Variants in PPP1R17 observed in about 807,000 individuals in gnomAD.
PPP1R17 encodes the protein G-substrate.
PPP1R17 carries 12 observed loss-of-function variants against 15.9 expected under a neutral mutation model. That is an observed-to-expected ratio of 0.75 (90% CI 0.48 to 1.22). The LOEUF is 1.22. Among genes scored for constraint, PPP1R17 ranks in the 50% most tolerant of loss-of-function variants. The probability of loss-of-function intolerance (pLI) is 0.00; values close to 1 mark genes in which losing one functional copy is unlikely to be tolerated. For synonymous variants in PPP1R17, 63 were observed against 64.5 expected (o/e 0.98, Z 0.11); for missense variants, 211 against 187.3 (o/e 1.13, Z -0.74).
chr7:31,704,413 G>A (rs1792982504), intron 4 of PPP1R17, among the ~76,000 whole-genome samples: 1 of 152,124 alleles, frequency 6.6e-6, no homozygotes, highest in African/African-American at 2.4e-5. Context: ...GGCAGTCTTG[G>A]TCTTAAAACC....
At chr7:31,692,896 CAATAA>C (rs1792417678) in intron 2 of PPP1R17, among the ~76,000 whole-genome samples, 1 of 152,154 alleles carries the variant, frequency 6.6e-6, no homozygotes, top group Non-Finnish European at 1.5e-5. Flanking sequence ...TGTGCAGTGC[CAATAA>C]AATATTTCAA....
chr7:31,699,311 A>T (rs1392919786), intron 4 of PPP1R17, among the ~76,000 whole-genome samples: 1 of 152,166 alleles, frequency 6.6e-6, no homozygotes, highest in Non-Finnish European at 1.5e-5. Flanking sequence ...TCACTGGGAC[A>T]TGAAGGGTAA....
chr7:31,692,755 A>G (rs1562695231), intron 2 of PPP1R17, among the ~76,000 whole-genome samples: 1 of 152,058 alleles, frequency 6.6e-6, no homozygotes, highest in Non-Finnish European at 1.5e-5. Context: ...GAGAGAGAGA[A>G]AGAGAGAGAG....
At chr7:31,692,343 CAAA>C in intron 1 of PPP1R17, 60 bp from the exon 2 acceptor site, 1 of 974,178 alleles carries the variant, frequency 1.0e-6, no homozygotes, top group Non-Finnish European at 1.6e-6. Context: ...ATTTACTTAG[CAAA>C]TGATTGAATG....
chr7:31,694,803 T>C (rs944318175), intron 2 of PPP1R17, among the ~76,000 whole-genome samples: 1 of 152,084 alleles, frequency 6.6e-6, no homozygotes, highest in Admixed American at 6.5e-5. Flanking sequence ...CGACTTCTGA[T>C]AGACTCGATG....
intron 1 of PPP1R17, 67 bp from the exon 2 acceptor site, chr7:31,692,339 T>G: frequency 1.1e-6 from 1 of 945,480 alleles, no homozygotes; most frequent in Non-Finnish European, 1.6e-6. Context: ...ATATATTTAC[T>G]TAGCAAATGA....
At position 31,695,590 on chromosome 7, in the gene PPP1R17, A is replaced by G. The variant is rs535825950; in HGVS notation, c.204A>G (p.Thr68=). The stretch of plus-strand genomic sequence containing the variant: ...AAAAAAAACCAAGGAGGAAAGATAC[A>G]CCGGCGCTGCACATCCCACCTTTCA... ...SDQKKPRRKD[T]PALHIPPFIP... Residue 68 remains threonine, a synonymous_variant, in exon 3 of 5, where the codon ACA becomes ACG. Transcript: ENST00000342032. The G allele has an allele frequency of 4.3e-6, 7 of 1,613,872 alleles. No individual in the cohort carries two copies. The highest frequency in any genetic ancestry group is 2.2e-5 in the South Asian group (2 of 91,028).
intron 4 of PPP1R17, among the ~76,000 whole-genome samples, chr7:31,697,879 CAG>C (rs1468646877): frequency 6.6e-5 from 10 of 152,178 alleles, no homozygotes; most frequent in East Asian, 3.9e-4. Context: ...GACTAAGAAA[CAG>C]AGAATTTAAT....
intron 4 of PPP1R17, among the ~76,000 whole-genome samples, chr7:31,698,212 A>C: frequency 6.6e-6 from 1 of 152,180 alleles, no homozygotes; most frequent in East Asian, 1.9e-4. Context: ...ATAAAGAAAA[A>C]AATTGAAAAA....
intron 1 of PPP1R17, among the ~76,000 whole-genome samples, chr7:31,690,602 G>C (rs1289128464): frequency 6.6e-6 from 1 of 152,174 alleles, no homozygotes; most frequent in Non-Finnish European, 1.5e-5. Flanking sequence ...TTTAAGAGCT[G>C]AGATTTAAAC....
intron 1 of PPP1R17, among the ~76,000 whole-genome samples, chr7:31,687,618 A>C (rs953351758): frequency 6.6e-6 from 1 of 152,258 alleles, no homozygotes; most frequent in African/African-American, 2.4e-5. Flanking sequence ...AAGTACAGAA[A>C]GTATGCTTCT....
chr7:31,692,518 A>G lies in PPP1R17; in HGVS notation c.77A>G (p.His26Arg), dbSNP rs1467509366. The change falls in exon 2 of 5, where the codon CAC (histidine) becomes CGC (arginine). Residue 26 changes from histidine (H) to arginine (R), a missense_variant. Transcript: ENST00000342032. ...GACAAGCTAGACCCTCGTTGCAGCC[A>G]CTTAGGTAAACAAATGATCGATTGT... ...RLDKLDPRCS[H>R]LDDLSDQFIK... 2 of 1,595,912 alleles carry G rather than the reference A, an allele frequency of 1.3e-6. No homozygotes were observed. Among genetic ancestry groups the G allele is most frequent in the East Asian group, 2.2e-5 (1 of 44,770 alleles).
At chr7:31,697,324 G>A (rs1792631584) in intron 4 of PPP1R17, among the ~76,000 whole-genome samples, 1 of 152,154 alleles carries the variant, frequency 6.6e-6, no homozygotes, top group African/African-American at 2.4e-5. Flanking sequence ...GGATGGGAAA[G>A]GGTCAGAGCA....
chr7:31,692,634 T>A (rs1792407129), intron 2 of PPP1R17, 111 bp downstream of exon 2: 1 of 955,836 alleles, frequency 1.0e-6, no homozygotes, highest in Non-Finnish European at 1.6e-6. Context: ...AACCTGATAG[T>A]CTGTGCCTTC....
chr7:31,704,315 CATGAACT>C (rs918511729), intron 4 of PPP1R17, among the ~76,000 whole-genome samples: 2 of 152,060 alleles, frequency 1.3e-5, no homozygotes, highest in Non-Finnish European at 1.5e-5. Context: ...ATGTAATGTG[CATGAACT>C]ATTTTAGATG....
At chr7:31,706,735 T>A (rs1202338460) in intron 4 of PPP1R17, among the ~76,000 whole-genome samples, 1 of 152,220 alleles carries the variant, frequency 6.6e-6, no homozygotes, top group Non-Finnish European at 1.5e-5. Flanking sequence ...GACATTTACT[T>A]GCTCTGGGTT....
At chr7:31,694,555 C>T (rs1441849852) in intron 2 of PPP1R17, among the ~76,000 whole-genome samples, 4 of 152,224 alleles carry the variant, frequency 2.6e-5, no homozygotes, top group African/African-American at 4.8e-5. Context: ...TTTAACCGTT[C>T]AACATCCATT....
chr7:31,691,903 T>C (rs1447549478), intron 1 of PPP1R17, among the ~76,000 whole-genome samples: 1 of 151,894 alleles, frequency 6.6e-6, no homozygotes, highest in Non-Finnish European at 1.5e-5. Flanking sequence ...CTCAGGTGTC[T>C]AATGGAAGTC....
At position 31,704,271 on chromosome 7, in the gene PPP1R17, C is replaced by T. The variant is rs188523272; in HGVS notation, c.389-2933C>T. 1.2e-3 allele frequency among the ~76,000 whole-genome samples: 185 copies of T among 152,252 alleles called. 1 individual carries two copies. Among genetic ancestry groups the T allele is most frequent in the African/African-American group, 4.0e-3 (168 of 41,552 alleles). On this transcript the variant is annotated intron_variant, in intron 4 of 4. Coordinates refer to ENST00000342032, the MANE Select transcript of PPP1R17 (RefSeq NM_006658.5). ...CTCTCTAGTGTGATTTATCAGAAGA[C>T]GTGGTGTCCTAGCCCTGGCTCCCTG...
Sources: allele counts gnomAD v4.1 joint callset (sites outside exome capture counted in the v4.1 genomes callset), GRCh38; gene constraint gnomAD v4.1.1; transcripts MANE v1.5; gene names NCBI Gene and HGNC (gene_info 2026-07-23, HGNC 2026-07-21).